Variants in SSH2 observed in about 807,000 individuals in gnomAD.
SSH2 encodes slingshot protein phosphatase 2, also known as protein phosphatase Slingshot homolog 2.
A neutral mutation model predicts 135.2 loss-of-function variants in SSH2; 37 were observed. That is an observed-to-expected ratio of 0.27 (90% CI 0.21 to 0.36). The LOEUF is 0.36. Ranked by LOEUF, SSH2 falls within the 10% of genes least tolerant of loss-of-function variation. The pLI is 1.00. For missense variants in SSH2, 1,408 were observed against 1,765.3 expected (o/e 0.80, Z 3.63); for synonymous variants, 628 against 646.2 (o/e 0.97, Z 0.43).
intron 3 of SSH2, among the ~76,000 whole-genome samples, chr17:29,729,132 C>T (rs2040097622): frequency 6.6e-6 from 1 of 152,132 alleles, no homozygotes; most frequent in South Asian, 2.1e-4. Flanking sequence ...CTATAAACTA[C>T]CCATCTGACA....
chr17:29,744,613 T>C (rs953476820), intron 3 of SSH2, among the ~76,000 whole-genome samples: 1 of 152,184 alleles, frequency 6.6e-6, no homozygotes, highest in Non-Finnish European at 1.5e-5. Flanking sequence ...ATTGCTTATA[T>C]AGAACATTAA....
chr17:29,785,883 C>A (rs2041952689), intron 3 of SSH2, among the ~76,000 whole-genome samples: 1 of 150,262 alleles, frequency 6.7e-6, no homozygotes, highest in African/African-American at 2.5e-5. Context: ...CGGCTCACTG[C>A]AAGCTCTGCC....
intron 5 of SSH2, among the ~76,000 whole-genome samples, chr17:29,685,192 G>A (rs906720593): frequency 1.3e-5 from 2 of 152,114 alleles, no homozygotes; most frequent in Non-Finnish European, 2.9e-5. Context: ...CTTCAGTTTC[G>A]ATGATAATGA....
At chr17:29,643,852 T>C (rs1169181293) in intron 14 of SSH2, among the ~76,000 whole-genome samples, 1 of 152,204 alleles carries the variant, frequency 6.6e-6, no homozygotes, top group African/African-American at 2.4e-5. Context: ...GACCCAGTCC[T>C]AGGCAATGGG....
At chr17:29,765,712 G>A (rs143163832) in intron 3 of SSH2, among the ~76,000 whole-genome samples, 186 of 152,064 alleles carry the variant, frequency 1.2e-3, no homozygotes, top group African/African-American at 4.3e-3. Context: ...TTTACCTCAC[G>A]GGCTGATTAA....
chr17:29,785,842 T>C (rs1220402871), intron 3 of SSH2, among the ~76,000 whole-genome samples: 5 of 139,906 alleles, frequency 3.6e-5, no homozygotes, highest in Middle Eastern at 4.3e-3. Context: ...TCTGCCTGTG[T>C]AGCCCAGGCT....
At chr17:29,853,516 G>A (rs1005734965) in intron 1 of SSH2, among the ~76,000 whole-genome samples, 1 of 151,814 alleles carries the variant, frequency 6.6e-6, no homozygotes, top group Non-Finnish European at 1.5e-5. Flanking sequence ...CCAGTTTGTA[G>A]TGCAGATACC....
chr17:29,760,880 C>G (rs2041269589), intron 3 of SSH2, among the ~76,000 whole-genome samples: 1 of 152,112 alleles, frequency 6.6e-6, no homozygotes, highest in African/African-American at 2.4e-5. Context: ...AGGGACAACC[C>G]GCACTTTCAA....
At chr17:29,819,043 A>G (rs1309397165) in intron 2 of SSH2, among the ~76,000 whole-genome samples, 5 of 152,238 alleles carry the variant, frequency 3.3e-5, no homozygotes, top group Non-Finnish European at 7.4e-5. Context: ...CCTGACCAAC[A>G]TGGAGACACC....
intron 5 of SSH2, among the ~76,000 whole-genome samples, chr17:29,692,791 T>C (rs774122721): frequency 7.9e-5 from 12 of 152,214 alleles, no homozygotes; most frequent in Non-Finnish European, 1.6e-4. Flanking sequence ...CCAAGTGTGA[T>C]TCCTGGATCA....
chr17:29,686,195 C>T (rs2038212202), intron 5 of SSH2, among the ~76,000 whole-genome samples: 1 of 152,040 alleles, frequency 6.6e-6, no homozygotes, highest in Non-Finnish European at 1.5e-5. Flanking sequence ...AATAAAACAA[C>T]TACAGGCAAC....
At chr17:29,847,945 A>C (rs1192781075) in intron 2 of SSH2, among the ~76,000 whole-genome samples, 1 of 152,232 alleles carries the variant, frequency 6.6e-6, no homozygotes, top group Non-Finnish European at 1.5e-5. Flanking sequence ...GTATATATAC[A>C]GTTGCCAAGA....
intron 1 of SSH2, among the ~76,000 whole-genome samples, chr17:29,914,494 G>T (rs2066845039): frequency 6.6e-6 from 1 of 151,556 alleles, no homozygotes; most frequent in African/African-American, 2.4e-5. Flanking sequence ...GAGCCCAGGG[G>T]GTTGAGGTGA....
chr17:29,745,439 C>G (rs2040728732), intron 3 of SSH2, among the ~76,000 whole-genome samples: 1 of 152,190 alleles, frequency 6.6e-6, no homozygotes, highest in Non-Finnish European at 1.5e-5. Flanking sequence ...GGATTACAGG[C>G]GTGAGCCACC....
chr17:29,801,552 C>T (rs910542929), intron 2 of SSH2, among the ~76,000 whole-genome samples: 2 of 152,200 alleles, frequency 1.3e-5, no homozygotes, highest in Non-Finnish European at 2.9e-5. Context: ...TAGTTTGTGA[C>T]ATTTCTTTTA....
At chr17:29,754,145 G>GTA (rs1237936820) in intron 3 of SSH2, among the ~76,000 whole-genome samples, 4 of 152,152 alleles carry the variant, frequency 2.6e-5, no homozygotes, top group Admixed American at 2.0e-4. Flanking sequence ...TTTAATTAAG[G>GTA]TAGGGTCCTT....
intron 1 of SSH2, among the ~76,000 whole-genome samples, chr17:29,884,227 A>G (rs552337505): frequency 1.3e-5 from 2 of 152,268 alleles, no homozygotes; most frequent in Admixed American, 1.3e-4. Context: ...CTTCCACACT[A>G]CCAACTCATA....
At chr17:29,928,605 T>A (rs998718055) in intron 1 of SSH2, 1 of 398,528 alleles carries the variant, frequency 2.5e-6, no homozygotes. Flanking sequence ...ACAAGATATA[T>A]AACCTTTGAA....
At chr17:29,922,169 A>G (rs2066987486) in intron 1 of SSH2, among the ~76,000 whole-genome samples, 2 of 152,186 alleles carry the variant, frequency 1.3e-5, no homozygotes, top group Non-Finnish European at 2.9e-5. Context: ...TAAAGACCAA[A>G]GGGAGCATGG....
Sources: gnomAD v4.1 joint callset for allele counts (sites outside exome capture counted in the v4.1 genomes callset) on GRCh38, gnomAD v4.1.1 for gene constraint, MANE v1.5 for transcripts, NCBI Gene and HGNC (gene_info 2026-07-23, HGNC 2026-07-21) for gene names.